Variants in LARP4 observed in about 807,000 individuals in gnomAD.
LARP4 encodes la-related protein 4.
A neutral mutation model predicts 92.9 loss-of-function variants in LARP4; 29 were observed. That is an observed-to-expected ratio of 0.31 (90% confidence interval 0.23 to 0.43). The LOEUF is 0.43. LARP4 is among the 20% of genes least tolerant of loss of function. The pLI is 1.00. For synonymous variants in LARP4, 279 were observed against 284.1 expected (o/e 0.98, Z 0.18); for missense variants, 732 against 860.0 (o/e 0.85, Z 1.86).
chr12:50,406,706 A>C (rs1199475946), intron 1 of LARP4, among the ~76,000 whole-genome samples: 9 of 152,086 alleles, frequency 5.9e-5, no homozygotes, highest in Non-Finnish European at 1.2e-4. Context: ...TAACTTAAAA[A>C]GTATCATCTA....
chr12:50,449,066 C>T (rs1454376936), intron 8 of LARP4, among the ~76,000 whole-genome samples: 1 of 151,688 alleles, frequency 6.6e-6, no homozygotes, highest in African/African-American at 2.4e-5. Flanking sequence ...ATGGTGAAAC[C>T]CTGTCTCTAC....
chr12:50,426,223 T>C (rs952948482), intron 1 of LARP4, among the ~76,000 whole-genome samples: 1 of 152,178 alleles, frequency 6.6e-6, no homozygotes, highest in Non-Finnish European at 1.5e-5. Flanking sequence ...GATGGCACAC[T>C]AGGGTGGGCT....
At chr12:50,423,309 T>C (rs1276417044) in intron 1 of LARP4, among the ~76,000 whole-genome samples, 2 of 152,228 alleles carry the variant, frequency 1.3e-5, no homozygotes, top group African/African-American at 2.4e-5. Context: ...GCTAATTTTC[T>C]ATGACATAAT....
chr12:50,473,684 G>A lies in LARP4; in HGVS notation c.1667+148G>A, dbSNP rs1474575636. On this transcript the variant is annotated intron_variant, in intron 14 of 15. Coordinates refer to ENST00000398473, the MANE Select transcript of LARP4 (RefSeq NM_052879.5). The stretch of plus-strand genomic sequence containing the variant: ...AGTTCAAGACCAGTCTGGCCAACAT[G>A]GTGAAACCCCGTCTCTACTAAAAAT... 4 of 671,468 alleles carry A rather than the reference G, an allele frequency of 6.0e-6. No individual in the cohort carries two copies. The African/African-American group carries it at 7.3e-5, about 12-fold the overall frequency. The allele number at this position is 671,468 out of a possible 1,614,324, so 41.6% of individuals were successfully genotyped here.
chr12:50,432,481 T>G (rs1949802316), intron 4 of LARP4, among the ~76,000 whole-genome samples: 1 of 152,148 alleles, frequency 6.6e-6, no homozygotes, highest in South Asian at 2.1e-4. Flanking sequence ...CACCCTAATC[T>G]TACAAAACCA....
chr12:50,466,925 C>T lies in LARP4; in HGVS notation c.1384-34C>T, dbSNP rs575227874. 3 of 1,583,734 alleles carry T rather than the reference C, an allele frequency of 1.9e-6. No individual in the cohort carries two copies. In the East Asian group the frequency reaches 6.8e-5, roughly 36 times the overall value. ...GACACAGGATTAGGGAATGAGATAGCCATGTGACCTGTTTTATTATTTGTT... is the reference window on the plus strand; with the variant it reads ...GACACAGGATTAGGGAATGAGATAGTCATGTGACCTGTTTTATTATTTGTT... On this transcript the variant is annotated intron_variant, in intron 12 of 15. Transcript: ENST00000398473.
In LARP4 at chr12:50,475,593, T is replaced by C. The variant is rs749791498; in HGVS notation, c.1904T>C (p.Val635Ala). 1 of 1,614,172 alleles carries C rather than the reference T, an allele frequency of 6.2e-7. No individual in the cohort carries two copies. The highest frequency in any genetic ancestry group is 8.5e-7 in the Non-Finnish European group (1 of 1,180,042). Residue 635 changes from valine to alanine, a missense_variant, in exon 16 of 16, where the codon GTG (valine) becomes GCG (alanine). Val to Ala is a moderately conservative substitution (Grantham distance 64). This residue lies in a region of LARP4 where 115 missense variants were observed against 129.1 expected (regional missense o/e 0.89). Transcript: ENST00000398473. Reference sequence around the variant, plus strand: ...CCTAAAGAGCCATCTTCAGTTCTTGTGCAGCCACTACGGGAACTTCGCTCC... The same window carrying C: ...CCTAAAGAGCCATCTTCAGTTCTTGCGCAGCCACTACGGGAACTTCGCTCC... Reference protein sequence around the residue: ...KPPKEPSSVLVQPLRELRSNV... With the variant: ...KPPKEPSSVLAQPLRELRSNV...
At position 50,441,693 on chromosome 12, in the gene LARP4, A is replaced by G. The variant is rs187173035; in HGVS notation, c.804+50A>G. ...ACCAGAACAGGTTTTGGTTCTCTGT[A>G]TGAGAATTTAAAAAATACAGACAGA... is the stretch of plus-strand genomic sequence containing the variant. On this transcript the variant is annotated intron_variant, in intron 8 of 15. Transcript: ENST00000398473. 1,957 of 1,316,906 alleles carry G rather than the reference A, an allele frequency of 1.5e-3. 4 individuals are homozygous for G. Among genetic ancestry groups the G allele is most frequent in the Non-Finnish European group, 1.8e-3 (1,724 of 936,072 alleles). 81.6% of individuals were successfully genotyped at this position (1,316,906 alleles called of 1,614,324 possible).
At chr12:50,468,310 T>G (rs1565745786) in intron 13 of LARP4, among the ~76,000 whole-genome samples, 1 of 151,438 alleles carries the variant, frequency 6.6e-6, no homozygotes, top group Non-Finnish European at 1.5e-5. Context: ...TTTTCTTTTT[T>G]TTGAGACAGA....
In LARP4 at chr12:50,476,934, G is replaced by A. The variant is rs1957575227; in HGVS notation, c.*1070G>A. ...AGCTCCCAAGATGGTAGGGCAGACT[G>A]ACCGTACAGTAATTTATTTGTCGTT... is the stretch of plus-strand genomic sequence containing the variant. On this transcript the variant is annotated 3_prime_UTR_variant, in exon 16 of 16. Coordinates refer to ENST00000398473, the MANE Select transcript of LARP4 (RefSeq NM_052879.5). 1 of 152,244 alleles carries A rather than the reference G, an allele frequency of 6.6e-6. No homozygotes were observed. The highest frequency in any genetic ancestry group is 2.4e-5 in the African/African-American group (1 of 41,442). 9.4% of individuals were successfully genotyped at this position (152,244 alleles called of 1,614,324 possible).
chr12:50,400,951 G>T lies in LARP4; in HGVS notation c.-60G>T. 12 of 1,612,844 alleles carry T rather than the reference G, an allele frequency of 7.4e-6. No individual in the cohort carries two copies. The highest frequency in any genetic ancestry group is 9.3e-6 in the Non-Finnish European group (11 of 1,178,828). On this transcript the variant is annotated 5_prime_UTR_variant, in exon 1 of 16. Transcript: ENST00000398473. ...GTCCTTATCCTAGCAATTGGGGCGC[G>T]GGCCTGTGAGCCAGTTGGAGTTGCG... is the stretch of plus-strand genomic sequence containing the variant.
At chr12:50,415,271 T>C (rs1946574046) in intron 1 of LARP4, among the ~76,000 whole-genome samples, 1 of 152,132 alleles carries the variant, frequency 6.6e-6, no homozygotes, top group Non-Finnish European at 1.5e-5. Flanking sequence ...GATATAAATA[T>C]GCCCAGAAGT....
Position 50,454,343 on chromosome 12 carries a change from T to C in LARP4, c.1047T>C (p.Asn349=). Residue 349 remains asparagine (N), a synonymous_variant, in exon 10 of 16, where the codon AAT becomes AAC. Coordinates refer to ENST00000398473, the MANE Select transcript of LARP4 (RefSeq NM_052879.5). ...CCTTTCCCAATGGTAGTTTTGTGAA[T>C]GGCTTTAATTCGCCAGGATCTTATA... ...LAPFPNGSFV[N]GFNSPGSYKT... 1 of 1,613,410 alleles carries C rather than the reference T, an allele frequency of 6.2e-7. No homozygotes were observed. Among genetic ancestry groups the C allele is most frequent in the Non-Finnish European group, 8.5e-7 (1 of 1,179,828 alleles).
chr12:50,431,863 ACATT>A (rs961913280), intron 4 of LARP4, among the ~76,000 whole-genome samples: 12 of 152,102 alleles, frequency 7.9e-5, no homozygotes, highest in African/African-American at 2.7e-4. Flanking sequence ...GGAAACAAAA[ACATT>A]CATGTAATAT....
chr12:50,474,007 A>G lies in LARP4; in HGVS notation c.1676A>G (p.Gln559Arg). Residue 559 changes from glutamine to arginine, a missense_variant, in exon 15 of 16, where the codon CAG (glutamine) becomes CGG (arginine). This residue lies in a region of LARP4 where 97 missense variants were observed against 85.9 expected (regional missense o/e 1.13). Coordinates refer to ENST00000398473, the MANE Select transcript of LARP4 (RefSeq NM_052879.5). ...AGCTCTTTTTTCCTTAGCACAACTC[A>G]GCAAGAAAAGGATCTAATAGAAGAT... ...AAELTALSTT[Q>R]QEKDLIEDSS... The G allele has an allele frequency of 6.2e-7, 1 of 1,611,602 alleles. No individual in the cohort carries two copies. The highest frequency in any genetic ancestry group is 8.5e-7 in the Non-Finnish European group (1 of 1,179,760).
intron 5 of LARP4, 130 bp downstream of exon 5, chr12:50,435,754 TTCTC>T (rs770654119): frequency 2.5e-5 from 17 of 687,318 alleles, no homozygotes; most frequent in African/African-American, 9.2e-5. Context: ...TTGTTCCGAA[TTCTC>T]TCTCTTTGTT....
intron 1 of LARP4, among the ~76,000 whole-genome samples, chr12:50,404,596 TTGAGACCGAGTCTCGCTC>T (rs1246260182): frequency 3.3e-5 from 5 of 152,176 alleles, no homozygotes; most frequent in South Asian, 2.1e-4. Flanking sequence ...TTTTTTCCTC[TTGAGACCGAGTCTCGCTC>T]TGAGACCGAG....
At chr12:50,450,019 C>T (rs4768846) in intron 8 of LARP4, among the ~76,000 whole-genome samples, 105,741 of 148,358 alleles carry the variant, frequency 0.71, 43,544 homozygotes, top group Non-Finnish European at 0.93. Flanking sequence ...CTGCAACCTC[C>T]GCCTCCTGGG....
intron 1 of LARP4, chr12:50,401,268 G>C (rs1488560154): frequency 3.7e-5 from 21 of 573,786 alleles, no homozygotes; most frequent in Non-Finnish European, 3.1e-6. Flanking sequence ...ACGGAGGGCT[G>C]TTCTGGTGTG....
Sources: gnomAD v4.1 joint callset for allele counts (sites outside exome capture counted in the v4.1 genomes callset) on GRCh38, gnomAD v4.1.1 for gene constraint, gnomAD v4.1.1 regional missense constraint, MANE v1.5 for transcripts, NCBI Gene and HGNC (gene_info 2026-07-23, HGNC 2026-07-21) for gene names.